Variants in PCCA observed in about 807,000 individuals in gnomAD.
PCCA encodes the protein propionyl-CoA carboxylase alpha chain, mitochondrial.
Under a neutral mutation model 101.3 loss-of-function variants are expected in PCCA, and 74 were observed. That is an observed-to-expected ratio of 0.73 (90% CI 0.61 to 0.89). PCCA has a LOEUF of 0.89. Ranked by LOEUF, PCCA falls within the 40% of genes least tolerant of loss-of-function variation. The pLI is 0.00. For missense variants in PCCA, 891 were observed against 907.0 expected, an observed-to-expected ratio of 0.98 and a Z score of 0.23; for synonymous variants, 294 against 313.6, an observed-to-expected ratio of 0.94 and a Z score of 0.66.
chr13:100,472,729 A>G (rs573887966), intron 21 of PCCA, among the ~76,000 whole-genome samples: 2 of 152,120 alleles, frequency 1.3e-5, no homozygotes, highest in African/African-American at 2.4e-5. Flanking sequence ...GGCAGGGAAA[A>G]TACTGGCTTG....
intron 21 of PCCA, among the ~76,000 whole-genome samples, chr13:100,501,456 C>G (rs9554694): frequency 0.3 from 45,854 of 152,028 alleles, 7,791 homozygotes; most frequent in East Asian, 0.65. Context: ...GAGAAGAAAG[C>G]CTTCTCATGG....
chr13:100,463,384 A>AGGG (rs1384891505), intron 21 of PCCA, among the ~76,000 whole-genome samples: 1 of 148,102 alleles, frequency 6.8e-6, no homozygotes, highest in Non-Finnish European at 1.5e-5. Context: ...GTAGGCAAAG[A>AGGG]AAGAAGAGGG....
chr13:100,283,377 G>A (rs974474655), intron 12 of PCCA, among the ~76,000 whole-genome samples: 24 of 152,094 alleles, frequency 1.6e-4, no homozygotes, highest in Non-Finnish European at 2.9e-4. Flanking sequence ...CTGTTGACCT[G>A]TATTCTAGAA....
At chr13:100,435,917 C>T (rs2079896947) in intron 20 of PCCA, among the ~76,000 whole-genome samples, 2 of 152,058 alleles carry the variant, frequency 1.3e-5, no homozygotes, top group Non-Finnish European at 2.9e-5. Context: ...GTGGTGCATG[C>T]CTGTAATCCC....
In PCCA at chr13:100,396,562, G is replaced by A. The variant is rs193190477; in HGVS notation, c.1746+27988G>A. On this transcript the variant is annotated intron_variant, in intron 19 of 23. Transcript: ENST00000376285. The stretch of plus-strand genomic sequence containing the variant: ...AATAAGACAAAAGGGAGCCACAGTG[G>A]CCCAGGCCTGTGGTCCTGGCACATA... Among the ~76,000 whole-genome samples, 6 of 152,248 alleles carry A rather than the reference G, an allele frequency of 3.9e-5. 1 individual carries two copies. In the East Asian group the frequency reaches 1.2e-3, roughly 29 times the overall value.
intron 7 of PCCA, among the ~76,000 whole-genome samples, chr13:100,217,039 G>T (rs571627221): frequency 6.6e-6 from 1 of 151,838 alleles, no homozygotes; most frequent in Admixed American, 6.6e-5. Context: ...AACCTGGGAG[G>T]TGGAGGTTGC....
chr13:100,509,711 A>T (rs749141324), intron 21 of PCCA, among the ~76,000 whole-genome samples: 13 of 152,348 alleles, frequency 8.5e-5, no homozygotes, highest in Middle Eastern at 6.8e-3. Flanking sequence ...TTAATGGTAG[A>T]TGAAAATGAT....
At chr13:100,282,347 CA>C (rs2064194625) in intron 12 of PCCA, among the ~76,000 whole-genome samples, 1 of 152,256 alleles carries the variant, frequency 6.6e-6, no homozygotes, top group Non-Finnish European at 1.5e-5. Context: ...ACTTTGGCGG[CA>C]CTTGAGGAGC....
chr13:100,464,763 G>A (rs765317380), intron 21 of PCCA, among the ~76,000 whole-genome samples: 30 of 152,270 alleles, frequency 2.0e-4, no homozygotes, highest in Admixed American at 3.3e-4. Flanking sequence ...AGAATCTTGC[G>A]AATCACCAAC....
chr13:100,332,250 A>AT (rs2069733768), intron 17 of PCCA, among the ~76,000 whole-genome samples: 1 of 152,102 alleles, frequency 6.6e-6, no homozygotes, highest in Non-Finnish European at 1.5e-5. Context: ...TACTTTGGAT[A>AT]TTTTTAATCA....
chr13:100,422,302 TA>T (rs1327216043), intron 19 of PCCA, among the ~76,000 whole-genome samples: 5 of 151,796 alleles, frequency 3.3e-5, no homozygotes, highest in African/African-American at 1.2e-4. Flanking sequence ...CCTGGCTAAG[TA>T]AAAAAAATTT....
chr13:100,518,382 A>G (rs1446201482), intron 22 of PCCA, among the ~76,000 whole-genome samples: 2 of 152,214 alleles, frequency 1.3e-5, no homozygotes, highest in African/African-American at 4.8e-5. Context: ...GTTGAGAAGT[A>G]GTGAATCCGC....
intron 7 of PCCA, among the ~76,000 whole-genome samples, chr13:100,222,823 T>A (rs1414528273): frequency 1.3e-5 from 2 of 152,236 alleles, no homozygotes; most frequent in Non-Finnish European, 2.9e-5. Context: ...GTTTGTTACA[T>A]TTCTCCTTCA....
intron 4 of PCCA, among the ~76,000 whole-genome samples, chr13:100,134,953 G>A (rs1423871727): frequency 1.3e-5 from 2 of 150,034 alleles, no homozygotes; most frequent in Admixed American, 6.6e-5. Context: ...TGTTGCCCAG[G>A]CTGGCCTCAA....
intron 21 of PCCA, among the ~76,000 whole-genome samples, chr13:100,452,616 C>G (rs996792527): frequency 1.3e-5 from 2 of 151,808 alleles, no homozygotes; most frequent in Non-Finnish European, 2.9e-5. Context: ...GTCACTCTTT[C>G]CAACATCTTA....
intron 1 of PCCA, among the ~76,000 whole-genome samples, chr13:100,092,077 C>T (rs1826288713): frequency 6.6e-6 from 1 of 151,980 alleles, no homozygotes; most frequent in African/African-American, 2.4e-5. Flanking sequence ...CACGCCACCA[C>T]CACCGGCTAA....
chr13:100,474,605 C>G (rs1022825799), intron 21 of PCCA, among the ~76,000 whole-genome samples: 5 of 152,118 alleles, frequency 3.3e-5, no homozygotes, highest in African/African-American at 1.2e-4. Flanking sequence ...CCCACCTCAG[C>G]TTCCCAGGTA....
At chr13:100,278,501 T>A (rs1480652592) in intron 12 of PCCA, among the ~76,000 whole-genome samples, 9 of 151,676 alleles carry the variant, frequency 5.9e-5, no homozygotes, top group Non-Finnish European at 8.8e-5. Flanking sequence ...TTTTTTTTTT[T>A]AAACAGAGTC....
At chr13:100,499,859 T>A (rs936499632) in intron 21 of PCCA, among the ~76,000 whole-genome samples, 7 of 152,044 alleles carry the variant, frequency 4.6e-5, no homozygotes, top group African/African-American at 1.5e-4. Context: ...TGTTTCTAAT[T>A]CACAGGTTGC....
Sources: allele counts gnomAD v4.1 joint callset (sites outside exome capture counted in the v4.1 genomes callset), GRCh38; gene constraint gnomAD v4.1.1; transcripts MANE v1.5; gene names NCBI Gene and HGNC (gene_info 2026-07-23, HGNC 2026-07-21).